ZCCHC7: variants seen among roughly 807,000 people sequenced by gnomAD.
The protein encoded by ZCCHC7 is zinc finger CCHC domain-containing protein 7.
Under a neutral mutation model 52.0 loss-of-function variants are expected in ZCCHC7, and 35 were observed. The observed-to-expected ratio is 0.67, with a 90% CI of 0.51 to 0.89. ZCCHC7 has a LOEUF of 0.89. Among genes scored for constraint, ZCCHC7 ranks in the 40% least tolerant of loss-of-function variants. The probability of loss-of-function intolerance (pLI) is 0.00; values close to 1 mark genes in which losing one functional copy is unlikely to be tolerated. For synonymous variants in ZCCHC7, 217 were observed against 221.5 expected, an observed-to-expected ratio of 0.98 and a Z score of 0.18; for missense variants, 574 against 649.1, an observed-to-expected ratio of 0.88 and a Z score of 1.26.
intron 2 of ZCCHC7, among the ~76,000 whole-genome samples, chr9:37,267,771 G>A (rs908295967): frequency 2.6e-5 from 4 of 151,776 alleles, no homozygotes; most frequent in Non-Finnish European, 4.4e-5. Flanking sequence ...GGGTTTCACC[G>A]TGTTAGCCAG....
chr9:37,175,623 T>C (rs1821978768), intron 2 of ZCCHC7, among the ~76,000 whole-genome samples: 1 of 151,832 alleles, frequency 6.6e-6, no homozygotes, highest in South Asian at 2.1e-4. Flanking sequence ...TGTAATCCCA[T>C]CTACTCAAGG....
At chr9:37,158,398 T>G (rs1298729318) in intron 2 of ZCCHC7, among the ~76,000 whole-genome samples, 1 of 151,978 alleles carries the variant, frequency 6.6e-6, no homozygotes, top group African/African-American at 2.4e-5. Context: ...ACTTGATGAG[T>G]GAAGCAAAAG....
At chr9:37,171,032 C>T (rs1017035856) in intron 2 of ZCCHC7, among the ~76,000 whole-genome samples, 3 of 152,182 alleles carry the variant, frequency 2.0e-5, no homozygotes, top group African/African-American at 4.8e-5. Flanking sequence ...AGTATTTATA[C>T]TTGTCCTGGG....
chr9:37,144,888 C>A (rs1843370476), intron 2 of ZCCHC7: 1 of 151,998 alleles, frequency 6.6e-6, no homozygotes, highest in Admixed American at 6.6e-5. Flanking sequence ...TGAAAACAGG[C>A]CTCAGAAGAC....
intron 2 of ZCCHC7, among the ~76,000 whole-genome samples, chr9:37,299,665 C>A (rs1457352741): frequency 6.6e-6 from 1 of 152,168 alleles, no homozygotes; most frequent in African/African-American, 2.4e-5. Flanking sequence ...AGGTTCAAAT[C>A]AAAACTGGAA....
At chr9:37,148,192 T>G (rs1014573364) in intron 2 of ZCCHC7, among the ~76,000 whole-genome samples, 7 of 152,158 alleles carry the variant, frequency 4.6e-5, no homozygotes, top group Non-Finnish European at 8.8e-5. Flanking sequence ...ATATATTTGA[T>G]ATGTATTCAT....
chr9:37,258,655 G>A (rs1262177346), intron 2 of ZCCHC7, among the ~76,000 whole-genome samples: 3 of 151,552 alleles, frequency 2.0e-5, no homozygotes, highest in East Asian at 3.9e-4. Flanking sequence ...GGGAGGCTGA[G>A]GTGGGAGGAT....
intron 2 of ZCCHC7, among the ~76,000 whole-genome samples, chr9:37,269,630 A>C (rs1827295748): frequency 6.8e-6 from 1 of 146,024 alleles, no homozygotes; most frequent in African/African-American, 2.5e-5. Context: ...AAAAAAAAAA[A>C]AAAAAAAAAA....
At chr9:37,271,670 A>G (rs1827419006) in intron 2 of ZCCHC7, among the ~76,000 whole-genome samples, 1 of 152,140 alleles carries the variant, frequency 6.6e-6, no homozygotes, top group Non-Finnish European at 1.5e-5. Context: ...TCCAGGTTCA[A>G]GCAATTCTCA....
chr9:37,332,968 G>A (rs1302079857), intron 6 of ZCCHC7, among the ~76,000 whole-genome samples: 1 of 151,540 alleles, frequency 6.6e-6, no homozygotes, highest in Non-Finnish European at 1.5e-5. Flanking sequence ...TGGAGCACTT[G>A]TGAGAACCTT....
chr9:37,154,475 TAG>T (rs941990883), intron 2 of ZCCHC7, among the ~76,000 whole-genome samples: 3 of 152,138 alleles, frequency 2.0e-5, no homozygotes, highest in African/African-American at 7.2e-5. Flanking sequence ...ATCAGTTAAT[TAG>T]AGATTCTTTT....
chr9:37,154,663 GTT>G (rs1230768438), intron 2 of ZCCHC7, among the ~76,000 whole-genome samples: 1 of 129,858 alleles, frequency 7.7e-6, no homozygotes, highest in African/African-American at 2.9e-5. Context: ...TCTGTTTTTT[GTT>G]TTTTTTTTAA....
At chr9:37,268,354 A>C (rs1024039713) in intron 2 of ZCCHC7, among the ~76,000 whole-genome samples, 1 of 151,960 alleles carries the variant, frequency 6.6e-6, no homozygotes, top group Non-Finnish European at 1.5e-5. Flanking sequence ...CAAAGAAACA[A>C]AGTAGTAAAC....
At chr9:37,268,417 A>G (rs1272590107) in intron 2 of ZCCHC7, among the ~76,000 whole-genome samples, 1 of 151,260 alleles carries the variant, frequency 6.6e-6, no homozygotes, top group Non-Finnish European at 1.5e-5. Flanking sequence ...AAAAAAAAAA[A>G]ATAAGCAAAA....
chr9:37,309,549 T>C (rs1341945296), intron 5 of ZCCHC7, among the ~76,000 whole-genome samples: 1 of 152,238 alleles, frequency 6.6e-6, no homozygotes, highest in African/African-American at 2.4e-5. Flanking sequence ...TACCATTCTT[T>C]GTCATTTTCA....
chr9:37,209,268 C>T (rs1279812738), intron 2 of ZCCHC7, among the ~76,000 whole-genome samples: 2 of 152,058 alleles, frequency 1.3e-5, no homozygotes, highest in East Asian at 1.9e-4. Context: ...TCTCGATCTC[C>T]TGACCTTGTG....
chr9:37,356,056 G>A (rs1466617403), intron 8 of ZCCHC7, among the ~76,000 whole-genome samples: 3 of 151,968 alleles, frequency 2.0e-5, no homozygotes, highest in Non-Finnish European at 4.4e-5. Flanking sequence ...TTGTATCGAC[G>A]TCTGTAGCAT....
intron 6 of ZCCHC7, among the ~76,000 whole-genome samples, chr9:37,337,511 A>G (rs2118410297): frequency 6.6e-6 from 1 of 151,626 alleles, no homozygotes; most frequent in South Asian, 2.1e-4. Context: ...ATTACAAGGT[A>G]TTTGTGGCAG....
intron 2 of ZCCHC7, among the ~76,000 whole-genome samples, chr9:37,191,492 A>T: frequency 6.6e-6 from 1 of 151,202 alleles, no homozygotes; most frequent in East Asian, 1.9e-4. Context: ...CATGTCCCCT[A>T]CTCCCACCCC....
Sources: gnomAD v4.1 joint callset for allele counts (sites outside exome capture counted in the v4.1 genomes callset) on GRCh38, gnomAD v4.1.1 for gene constraint, MANE v1.5 for transcripts, NCBI Gene and HGNC (gene_info 2026-07-23, HGNC 2026-07-21) for gene names.